Variants in HTR2C observed in about 807,000 individuals in gnomAD.
HTR2C encodes 5-hydroxytryptamine receptor 2C.
Under a neutral mutation model 21.0 loss-of-function variants are expected in HTR2C, and 5 were observed. That is an observed-to-expected ratio of 0.24 (90% confidence interval 0.12 to 0.50). The LOEUF (loss-of-function observed/expected upper bound fraction) is 0.50, where lower values mean the gene tolerates loss of function less well. Among genes scored for constraint, HTR2C ranks in the 20% least tolerant of loss-of-function variants. HTR2C has a pLI of 0.98. For missense variants in HTR2C, 271 were observed against 371.2 expected, an observed-to-expected ratio of 0.73 and a Z score of 2.22; for synonymous variants, 150 against 145.3, an observed-to-expected ratio of 1.03 and a Z score of -0.23.
At chrX:114,687,074 C>T (rs1556414352) in intron 2 of HTR2C, among the ~76,000 whole-genome samples, 1 of 108,761 alleles carries the variant, frequency 9.2e-6, no homozygotes, top group Non-Finnish European at 1.9e-5. Context: ...ATTACACTGA[C>T]GTTTAGAAGA....
At chrX:114,850,984 A>C (rs1387091612) in intron 5 of HTR2C, among the ~76,000 whole-genome samples, 1 of 111,833 alleles carries the variant, frequency 8.9e-6, no homozygotes, top group East Asian at 2.8e-4. Context: ...TCGGCAAAAA[A>C]CAAATACTCC....
At chrX:114,793,487 TTCAAATAGTTTTCAAA>T (rs72399252) in intron 4 of HTR2C, among the ~76,000 whole-genome samples, 4,833 of 111,689 alleles carry the variant, frequency 0.043, 275 homozygotes, top group African/African-American at 0.15. Context: ...ATTAATAGTC[TTCAAATAGTTTTCAAA>T]TCAAATAGTC....
At chrX:114,701,286 G>A (rs1291803098) in intron 2 of HTR2C, among the ~76,000 whole-genome samples, 2 of 111,943 alleles carry the variant, frequency 1.8e-5, no homozygotes, top group East Asian at 2.8e-4. Flanking sequence ...CCTGACCCCC[G>A]AACAGCCTAA....
chrX:114,666,600 G>A (rs1556410934), intron 2 of HTR2C, among the ~76,000 whole-genome samples: 1 of 111,246 alleles, frequency 9.0e-6, no homozygotes, highest in African/African-American at 3.3e-5. Flanking sequence ...TCAAGATAAT[G>A]AGCTTTGTGT....
chrX:114,778,495 T>C (rs782047606), intron 4 of HTR2C, among the ~76,000 whole-genome samples: 1 of 109,504 alleles, frequency 9.1e-6, no homozygotes, highest in South Asian at 3.9e-4. Flanking sequence ...AGTTGAGTGG[T>C]AATACAGTAG....
chrX:114,639,078 A>G (rs918323232), intron 2 of HTR2C, among the ~76,000 whole-genome samples: 3 of 111,609 alleles, frequency 2.7e-5, no homozygotes, highest in Non-Finnish European at 5.6e-5. Flanking sequence ...TTCTGGTTTT[A>G]CTTTTGCTTG....
At chrX:114,672,503 A>T (rs1931417032) in intron 2 of HTR2C, among the ~76,000 whole-genome samples, 1 of 112,397 alleles carries the variant, frequency 8.9e-6, no homozygotes, top group Admixed American at 9.5e-5. Context: ...ATTATTTTTT[A>T]AAGGGGTATG....
intron 4 of HTR2C, among the ~76,000 whole-genome samples, chrX:114,792,109 T>A (rs909346382): frequency 1.8e-5 from 2 of 112,362 alleles, no homozygotes; most frequent in Non-Finnish European, 3.8e-5. Flanking sequence ...GTTTTATTTT[T>A]ATTTTAATTT....
intron 2 of HTR2C, among the ~76,000 whole-genome samples, chrX:114,674,527 T>C (rs1444404492): frequency 1.8e-5 from 2 of 111,688 alleles, no homozygotes; most frequent in African/African-American, 6.5e-5. Flanking sequence ...ATGTTTATTT[T>C]TGTATTTCTG....
chrX:114,646,165 A>T (rs1446855061), intron 2 of HTR2C, among the ~76,000 whole-genome samples: 2 of 112,153 alleles, frequency 1.8e-5, no homozygotes, highest in Admixed American at 1.9e-4. Context: ...GACAAATATC[A>T]TTTGAAATTA....
intron 5 of HTR2C, among the ~76,000 whole-genome samples, chrX:114,859,936 C>T (rs969363985): frequency 2.7e-5 from 3 of 111,201 alleles, no homozygotes; most frequent in Non-Finnish European, 5.7e-5. Flanking sequence ...TATTTGGAAA[C>T]TTGTAGTTTA....
intron 4 of HTR2C, among the ~76,000 whole-genome samples, chrX:114,806,490 CACCATATATATACACCATATATACACCA>C (rs1556449798): frequency 3.5e-4 from 1 of 2,844 alleles, no homozygotes; most frequent in African/African-American, 4.1e-4. Flanking sequence ...TATATATATA[CACCATATATATACACCATATATACACCA>C]CATATATACA....
At chrX:114,821,007 T>C (rs1357999060) in intron 4 of HTR2C, among the ~76,000 whole-genome samples, 6 of 111,775 alleles carry the variant, frequency 5.4e-5, no homozygotes, top group African/African-American at 2.0e-4. Flanking sequence ...GAGAATCAAT[T>C]AAAAGCATAG....
chrX:114,642,317 G>A (rs1290735443), intron 2 of HTR2C, among the ~76,000 whole-genome samples: 2 of 111,915 alleles, frequency 1.8e-5, no homozygotes, highest in African/African-American at 6.5e-5. Flanking sequence ...TCAGGATGTG[G>A]TCTTCATTCA....
intron 4 of HTR2C, among the ~76,000 whole-genome samples, chrX:114,802,247 G>A (rs1197410021): frequency 9.0e-6 from 1 of 110,797 alleles, no homozygotes; most frequent in Non-Finnish European, 1.9e-5. Context: ...TTAATTGCAT[G>A]AAGTTCCAAA....
At chrX:114,739,970 G>T (rs1036274159) in intron 4 of HTR2C, among the ~76,000 whole-genome samples, 108 of 109,358 alleles carry the variant, frequency 9.9e-4, no homozygotes, top group Non-Finnish European at 1.8e-3. Flanking sequence ...TTAGCCAAGG[G>T]TGGTGGCGGG....
rs2070863884 is a variant in HTR2C, at chrX:114,845,076, A to T, written c.350-2927A>T. Among the ~76,000 whole-genome samples the T allele has an allele frequency of 2.7e-5, 3 of 111,247 alleles. No homozygotes were observed. In the South Asian group the frequency reaches 1.1e-3, roughly 42 times the overall value. On this transcript the variant is annotated intron_variant, in intron 4 of 5. Transcript: ENST00000276198. ...AACAACAATAAATACATTTTTTCTC[A>T]TGTGCACATGGAACATTCTCTGGGA...
At chrX:114,652,586 T>C in intron 2 of HTR2C, 1 of 335,281 alleles carries the variant, frequency 3.0e-6, no homozygotes. Flanking sequence ...AAAATTATGG[T>C]CTAATAGTTT....
chrX:114,623,863 C>A (rs1381092622), intron 2 of HTR2C, among the ~76,000 whole-genome samples: 2 of 107,890 alleles, frequency 1.9e-5, no homozygotes, highest in African/African-American at 3.4e-5. Context: ...ATAGTCTAAA[C>A]CATTGGTGTC....
Sources: allele counts gnomAD v4.1 joint callset (sites outside exome capture counted in the v4.1 genomes callset), GRCh38; gene constraint gnomAD v4.1.1; transcripts MANE v1.5; gene names NCBI Gene and HGNC (gene_info 2026-07-23, HGNC 2026-07-21).